DPF1: variants seen among roughly 807,000 people sequenced by gnomAD.
The protein encoded by DPF1 is zinc finger protein neuro-d4.
Under a neutral mutation model 58.7 loss-of-function variants are expected in DPF1, and 14 were observed. The ratio of observed to expected loss-of-function variants is 0.24; its 90% CI spans 0.16 to 0.37. DPF1 has a LOEUF of 0.37. Among genes scored for constraint, DPF1 ranks in the 10% least tolerant of loss-of-function variants. The probability of loss-of-function intolerance (pLI) is 1.00; values close to 1 mark genes in which losing one functional copy is unlikely to be tolerated. For synonymous variants in DPF1, 216 were observed against 216.0 expected, an observed-to-expected ratio of 1.00 and a Z score of 0.00; for missense variants, 345 against 529.9, an observed-to-expected ratio of 0.65 and a Z score of 3.43.
upstream of DPF1, among the ~76,000 whole-genome samples, chr19:38,224,923 A>G (rs1269700830): frequency 6.6e-6 from 1 of 152,220 alleles, no homozygotes; most frequent in East Asian, 1.9e-4. This position sits in a 1 kb window ranked among gnomAD's most constrained non-coding sequence, Gnocchi z 4.5. Flanking sequence ...TGTTGTGAGG[A>G]TTAAATGAGT....
In DPF1 at chr19:38,221,005, G is replaced by A. The variant is rs146606814; in HGVS notation, c.298+1352C>T. On this transcript the variant is annotated intron_variant, in intron 3 of 11. Transcript: ENST00000355526. ...TCAGGAAGATTCTCCCAGACACTCC[G>A]AGGCACCCACACACCCACAGAAAGA... Among the ~76,000 whole-genome samples, 30 of 152,242 alleles carry A rather than the reference G, an allele frequency of 2.0e-4. No individual in the cohort carries two copies. In the East Asian group the frequency reaches 4.4e-3, roughly 23 times the overall value.
At chr19:38,226,739 C>T (rs1458690678), upstream of DPF1, among the ~76,000 whole-genome samples, 1 of 151,968 alleles carries the variant, frequency 6.6e-6, no homozygotes, top group Non-Finnish European at 1.5e-5. Flanking sequence ...TCACACCTTA[C>T]CCACGGTGAG....
rs767762679 is a variant in DPF1, at chr19:38,224,193, C to G, written c.-51G>C. On this transcript the variant is annotated 5_prime_UTR_variant, in exon 1 of 12. Transcript: ENST00000355526. The surrounding 1 kb of genome is among the most constrained non-coding windows in gnomAD (Gnocchi z 4.5). Reference sequence around the variant, plus strand: ...CAGGTCCCCGCCGGGTCGGTCCTCCCAGCGGTCGGGCGGGCGCTGAGGCCG... The same window carrying G: ...CAGGTCCCCGCCGGGTCGGTCCTCCGAGCGGTCGGGCGGGCGCTGAGGCCG... 4.6e-5 allele frequency: 65 copies of G among 1,398,836 alleles called. No individual in the cohort carries two copies. The East Asian group carries it at 1.8e-3, about 39-fold the overall frequency. The allele number at this position is 1,398,836 out of a possible 1,614,324, so 86.7% of individuals were successfully genotyped here.
chr19:38,211,860 G>A lies in DPF1; in HGVS notation c.*203C>T. 3.3e-6 allele frequency: 2 copies of A among 601,664 alleles called. No homozygotes were observed. Among genetic ancestry groups the A allele is most frequent in the Non-Finnish European group, 5.9e-6 (2 of 341,408 alleles). 37.3% of individuals were successfully genotyped at this position (601,664 alleles called of 1,614,324 possible). The stretch of plus-strand genomic sequence containing the variant: ...ATTTGCCAAGGGACAGAGAGGGAGG[G>A]AGGGAGGGAGAGGCCCTGGCCGGGC... On this transcript the variant is annotated 3_prime_UTR_variant, in exon 12 of 12. Coordinates refer to ENST00000355526, the MANE Select transcript of DPF1 (RefSeq NM_001135155.3). This position sits in a 1 kb window ranked among gnomAD's most constrained non-coding sequence, Gnocchi z 4.0.
chr19:38,219,203 C>T, intron 3 of DPF1, 145 bp from the exon 4 acceptor site: 1 of 1,236,544 alleles, frequency 8.1e-7, no homozygotes, highest in Non-Finnish European at 1.1e-6. Context: ...GGAGGGAGGC[C>T]CAGACTCTGG....
At chr19:38,217,293 G>C in intron 7 of DPF1, 167 bp downstream of exon 7, 1 of 873,914 alleles carries the variant, frequency 1.1e-6, no homozygotes, top group East Asian at 2.7e-5. Context: ...ATGGTTGGTT[G>C]CCATGGCAAC....
At chr19:38,221,248 A>T (rs905481215) in intron 3 of DPF1, among the ~76,000 whole-genome samples, 1 of 152,204 alleles carries the variant, frequency 6.6e-6, no homozygotes, top group African/African-American at 2.4e-5. Context: ...AAAAAAATAC[A>T]GGCAGATGGC....
chr19:38,218,498 G>T, intron 5 of DPF1, 75 bp downstream of exon 5: 1 of 1,468,348 alleles, frequency 6.8e-7, no homozygotes, highest in Non-Finnish European at 9.5e-7. Context: ...TGGCAGGGGC[G>T]GACCACTGCA....
chr19:38,226,654 G>C (rs546944559), upstream of DPF1, among the ~76,000 whole-genome samples: 2 of 152,010 alleles, frequency 1.3e-5, no homozygotes, highest in African/African-American at 2.4e-5. Flanking sequence ...GCCTGGAGTG[G>C]TGACAAGGGG....
At chr19:38,223,092 G>A (rs561448771) in intron 1 of DPF1, 14 of 226,848 alleles carry the variant, frequency 6.2e-5, no homozygotes, top group African/African-American at 3.0e-4. Flanking sequence ...CCTCACACAC[G>A]TGCACACATA....
In DPF1 at chr19:38,229,435, G is replaced by T; in HGVS notation, c.-132+124C>A. 2 of 413,912 alleles carry T rather than the reference G, an allele frequency of 4.8e-6. No individual in the cohort carries two copies. The highest frequency in any genetic ancestry group is 6.8e-6 in the Non-Finnish European group (2 of 293,834). 25.6% of individuals were successfully genotyped at this position (413,912 alleles called of 1,614,324 possible). On this transcript the variant is annotated intron_variant, in intron 1 of 11. Coordinates refer to the DPF1 transcript ENST00000412732. This position sits in a 1 kb window ranked among gnomAD's most constrained non-coding sequence, Gnocchi z 5.3. ...GGGGACCCCCGGGGCAAGGGTTCGC[G>T]CTGGGGGCCCCCATTCAACTACGGT...
chr19:38,223,127 T>C lies in DPF1; in HGVS notation c.30-419A>G, dbSNP rs543487391. ...AAATATCTACTGAAAAAGACAAATA[T>C]CCCAAGTTCCATAGTGTGGAGACAA... On this transcript the variant is annotated intron_variant, in intron 1 of 11. Coordinates refer to ENST00000355526, the MANE Select transcript of DPF1 (RefSeq NM_001135155.3). The C allele has an allele frequency of 2.3e-5, 4 of 176,030 alleles. No homozygotes were observed. The East Asian group carries it at 6.4e-4, about 28-fold the overall frequency. The allele number at this position is 176,030 out of a possible 1,614,324, so 10.9% of individuals were successfully genotyped here.
chr19:38,220,621 A>G (rs1967399857), intron 3 of DPF1, among the ~76,000 whole-genome samples: 1 of 149,586 alleles, frequency 6.7e-6, no homozygotes, highest in African/African-American at 2.4e-5. Flanking sequence ...GTCTCAAAAA[A>G]AAAAAAGAAA....
chr19:38,224,322 G>C, upstream of DPF1: 1 of 1,244,590 alleles, frequency 8.0e-7, no homozygotes, highest in Non-Finnish European at 1.0e-6. This position sits in a 1 kb window ranked among gnomAD's most constrained non-coding sequence, Gnocchi z 4.5. Flanking sequence ...TCCCAGGCCA[G>C]GGGGCCCCCG....
chr19:38,222,690 G>A lies in DPF1; in HGVS notation c.48C>T (p.Tyr16=). 6.2e-7 allele frequency: 1 copy of A among 1,601,824 alleles called. No individual in the cohort carries two copies. Among genetic ancestry groups the A allele is most frequent in the Non-Finnish European group, 8.5e-7 (1 of 1,175,150 alleles). The part of the protein sequence containing the change: ...PGPLSLGEDF[Y]REAIEHCRSY... Reference sequence around the variant, plus strand: ...TGCGGCAGTGCTCGATGGCCTCGCGGTAGAAGTCCTCGCCTAGGCTAGAGG... The same window carrying A: ...TGCGGCAGTGCTCGATGGCCTCGCGATAGAAGTCCTCGCCTAGGCTAGAGG... The change falls in exon 2 of 12, where the codon TAC becomes TAT. Residue 16 remains tyrosine, a synonymous_variant. Transcript: ENST00000355526. This position sits in a 1 kb window ranked among gnomAD's most constrained non-coding sequence, Gnocchi z 4.9.
chr19:38,214,962 A>G (rs371642848), intron 9 of DPF1, among the ~76,000 whole-genome samples: 20 of 149,576 alleles, frequency 1.3e-4, no homozygotes, highest in African/African-American at 4.7e-4. Flanking sequence ...CAGCCTCCGG[A>G]GTAGCTGGAA....
chr19:38,212,804 G>A (rs1287923167), intron 10 of DPF1, among the ~76,000 whole-genome samples: 1 of 134,558 alleles, frequency 7.4e-6, no homozygotes, highest in Non-Finnish European at 1.6e-5. Flanking sequence ...TTTTTGAGAC[G>A]GGAGTCTCAC....
upstream of DPF1, among the ~76,000 whole-genome samples, chr19:38,226,326 G>A (rs1005170169): frequency 1.5e-5 from 2 of 134,578 alleles, no homozygotes; most frequent in Non-Finnish European, 3.1e-5. Context: ...CCGGACCCCT[G>A]TAGAGCCAGC....
chr19:38,216,025 C>T, intron 9 of DPF1, 115 bp downstream of exon 9: 1 of 1,482,232 alleles, frequency 6.7e-7, no homozygotes, highest in Non-Finnish European at 9.0e-7. Context: ...CCACAGTATC[C>T]CCTACATGCT....
Sources: allele counts gnomAD v4.1 joint callset (sites outside exome capture counted in the v4.1 genomes callset), GRCh38; gene constraint gnomAD v4.1.1; non-coding constraint Gnocchi (gnomAD v3.1); transcripts MANE v1.5; gene names NCBI Gene and HGNC (gene_info 2026-07-23, HGNC 2026-07-21).